HIPK3: variants seen among roughly 807,000 people sequenced by gnomAD.
HIPK3 encodes the protein homeodomain interacting protein kinase 3.
A neutral mutation model predicts 124.2 loss-of-function variants in HIPK3; 47 were observed. The ratio of observed to expected loss-of-function variants is 0.38; its 90% CI spans 0.30 to 0.48. HIPK3 has a LOEUF of 0.48. Ranked by LOEUF, HIPK3 falls within the 20% of genes least tolerant of loss-of-function variation. The pLI, the probability that HIPK3 is intolerant of heterozygous loss-of-function variation, is 0.98. For synonymous variants in HIPK3, 482 were observed against 515.2 expected (o/e 0.94, Z 0.87); for missense variants, 1,286 against 1,454.3 (o/e 0.88, Z 1.88).
At chr11:33,288,080 A>C (rs1363334587) in intron 2 of HIPK3, among the ~76,000 whole-genome samples, 2 of 152,204 alleles carry the variant, frequency 1.3e-5, no homozygotes, top group South Asian at 2.1e-4. Context: ...GTCAATGCCC[A>C]AAAAGTTTCA....
Position 33,353,161 on chromosome 11 carries a change from A to T in HIPK3, c.3241A>T (p.Ile1081Phe). Residue 1081 changes from isoleucine to phenylalanine, a missense_variant, in exon 17 of 17, where the codon ATT becomes TTT. By Grantham distance (21) the Ile-to-Phe change is conservative (BLOSUM62 0). This residue lies in a region of HIPK3 where 810 missense variants were observed against 864.9 expected (regional missense o/e 0.94). Coordinates refer to ENST00000303296, the MANE Select transcript of HIPK3 (RefSeq NM_005734.5). ...TGGGCACAGAAGACAGCAAGCTTAT[A>T]TTCCTACTAGTGTTACCAGTAATCC... ...NFGHRRQQAYIPTSVTSNPFT... is the reference protein window; with the variant it reads ...NFGHRRQQAYFPTSVTSNPFT... 1 of 1,613,928 alleles carries T rather than the reference A, an allele frequency of 6.2e-7. No homozygotes were observed. Among genetic ancestry groups the T allele is most frequent in the Non-Finnish European group, 8.5e-7 (1 of 1,179,964 alleles).
At chr11:33,348,464 G>C in intron 12 of HIPK3, 58 bp from the exon 13 acceptor site, 1 of 1,385,764 alleles carries the variant, frequency 7.2e-7, no homozygotes, top group South Asian at 1.4e-5. Flanking sequence ...AGATACCTTA[G>C]ACAATTGATT....
At chr11:33,273,832 T>G (rs982518642) in intron 1 of HIPK3, among the ~76,000 whole-genome samples, 1 of 152,186 alleles carries the variant, frequency 6.6e-6, no homozygotes, top group African/African-American at 2.4e-5. Context: ...TGTAAATAAC[T>G]GAAAGTACTA....
intron 2 of HIPK3, among the ~76,000 whole-genome samples, chr11:33,300,889 C>T (rs1851979881): frequency 1.3e-5 from 2 of 152,202 alleles, no homozygotes; most frequent in African/African-American, 4.8e-5. Flanking sequence ...GTGCATTCTA[C>T]CATGCCTGTC....
At chr11:33,317,849 C>A (rs1020958291) in intron 2 of HIPK3, among the ~76,000 whole-genome samples, 1 of 152,110 alleles carries the variant, frequency 6.6e-6, no homozygotes, top group African/African-American at 2.4e-5. Flanking sequence ...CTAATCACAC[C>A]TACTGACTAG....
At chr11:33,263,784 C>A (rs1232598362) in intron 1 of HIPK3, among the ~76,000 whole-genome samples, 1 of 152,148 alleles carries the variant, frequency 6.6e-6, no homozygotes, top group Non-Finnish European at 1.5e-5. Context: ...TCCCCCAACC[C>A]CTTCCTCTTT....
chr11:33,326,930 G>C (rs1364641244), intron 2 of HIPK3, among the ~76,000 whole-genome samples: 1 of 151,988 alleles, frequency 6.6e-6, no homozygotes, highest in Non-Finnish European at 1.5e-5. Context: ...ATCCTACCAT[G>C]TTGGCCTCCC....
At position 33,257,560 on chromosome 11, in the gene HIPK3, C is replaced by T; in HGVS notation, c.-332C>T. On this transcript the variant is annotated 5_prime_UTR_variant, in exon 1 of 17. Transcript: ENST00000303296. ...CTGCGTCGCCCGTAGGCCCCAGTAG[C>T]CGGAGGCCGACCGGCCTCCCACTAC... 1 of 985,730 alleles carries T rather than the reference C, an allele frequency of 1.0e-6. No individual in the cohort carries two copies. Among genetic ancestry groups the T allele is most frequent in the African/African-American group, 1.7e-5 (1 of 57,354 alleles). 61.1% of individuals were successfully genotyped at this position (985,730 alleles called of 1,614,324 possible). A position where few individuals can be genotyped will look rare whatever the true frequency, so the allele number is the denominator to read the frequency against.
At chr11:33,266,238 C>T (rs1850961351) in intron 1 of HIPK3, among the ~76,000 whole-genome samples, 1 of 151,506 alleles carries the variant, frequency 6.6e-6, no homozygotes, top group Admixed American at 6.6e-5. Context: ...TGTATATGTG[C>T]ACCTAAGTTA....
chr11:33,348,277 A>G, intron 12 of HIPK3, 49 bp downstream of exon 12: 1 of 1,522,146 alleles, frequency 6.6e-7, no homozygotes, highest in Non-Finnish European at 9.1e-7. Flanking sequence ...CCTGTAATGT[A>G]GCAATTGTGG....
chr11:33,341,076 T>C lies in HIPK3; in HGVS notation c.1722T>C (p.Ser574=), dbSNP rs907897917. The change falls in exon 7 of 17, where the codon AGT becomes AGC. Residue 574 remains serine (S), a synonymous_variant. Coordinates refer to ENST00000303296, the MANE Select transcript of HIPK3 (RefSeq NM_005734.5). ...TTTTAAGACCAGTTGCTTCAAGCAG[T>C]ACTGCTACACTGACTGCAAATTTTA... ...TSLLRPVASS[S]TATLTANFTK... 8.7e-6 allele frequency: 14 copies of C among 1,611,904 alleles called. No individual in the cohort carries two copies. Among genetic ancestry groups the C allele is most frequent in the African/African-American group, 1.3e-5 (1 of 74,842 alleles).
At position 33,355,912 on chromosome 11, in the gene HIPK3, T is replaced by C. The variant is rs1021211574; in HGVS notation, c.*2344T>C. The stretch of plus-strand genomic sequence containing the variant: ...AAAAGATTATTTACAGATGACACAT[T>C]TATGGGGTCACTATTTAAGTAAATT... On this transcript the variant is annotated 3_prime_UTR_variant, in exon 17 of 17. Transcript: ENST00000303296. 3.3e-5 allele frequency: 5 copies of C among 152,030 alleles called. No homozygotes were observed. The East Asian group carries it at 5.8e-4, about 18-fold the overall frequency. 9.4% of individuals were successfully genotyped at this position (152,030 alleles called of 1,614,324 possible).
chr11:33,320,602 G>A (rs1852635689), intron 2 of HIPK3, among the ~76,000 whole-genome samples: 1 of 152,152 alleles, frequency 6.6e-6, no homozygotes, highest in Non-Finnish European at 1.5e-5. Context: ...GGATCAGGAT[G>A]GTAGCAGTAA....
At chr11:33,339,960 T>G (rs1382029928) in intron 6 of HIPK3, among the ~76,000 whole-genome samples, 2 of 152,242 alleles carry the variant, frequency 1.3e-5, no homozygotes, top group Non-Finnish European at 2.9e-5. Context: ...TTTCCTCTTT[T>G]TCTCCTGCAT....
intron 1 of HIPK3, among the ~76,000 whole-genome samples, chr11:33,285,578 AATAT>A (rs34306070): frequency 0.037 from 1,425 of 38,348 alleles, 23 homozygotes; most frequent in African/African-American, 0.11. Flanking sequence ...AAAAAAAAAA[AATAT>A]ATATATATAT....
chr11:33,315,977 A>G (rs868093073), intron 2 of HIPK3, among the ~76,000 whole-genome samples: 1 of 152,212 alleles, frequency 6.6e-6, no homozygotes, highest in South Asian at 2.1e-4. Flanking sequence ...GACACAAACT[A>G]CATTTGAATG....
intron 1 of HIPK3, among the ~76,000 whole-genome samples, chr11:33,270,115 T>G (rs776733936): frequency 4.6e-5 from 7 of 152,120 alleles, no homozygotes; most frequent in Non-Finnish European, 7.4e-5. Flanking sequence ...GTAGCTGGGA[T>G]TACAGGCACA....
intron 14 of HIPK3, among the ~76,000 whole-genome samples, chr11:33,350,051 C>G (rs1291875123): frequency 6.6e-6 from 1 of 152,192 alleles, no homozygotes; most frequent in Non-Finnish European, 1.5e-5. Flanking sequence ...AGGCGTGAGC[C>G]ACCACATCCA....
At chr11:33,317,925 C>A (rs1554966106) in intron 2 of HIPK3, among the ~76,000 whole-genome samples, 1 of 152,148 alleles carries the variant, frequency 6.6e-6, no homozygotes, top group Non-Finnish European at 1.5e-5. Context: ...TTACAGTCGT[C>A]TTTAGGAACT....
Sources: allele counts gnomAD v4.1 joint callset (sites outside exome capture counted in the v4.1 genomes callset), GRCh38; gene constraint gnomAD v4.1.1; regional missense constraint gnomAD v4.1.1; transcripts MANE v1.5; gene names NCBI Gene and HGNC (gene_info 2026-07-23, HGNC 2026-07-21).